The following NOP58 variants were observed in gnomAD, a reference collection of about 807,000 sequenced individuals.
The protein encoded by NOP58 is nucleolar protein 58.
NOP58 carries 44 observed loss-of-function variants against 71.2 expected under a neutral mutation model. That is an observed-to-expected ratio of 0.62 (90% confidence interval 0.49 to 0.79). The LOEUF (loss-of-function observed/expected upper bound fraction) is 0.79. Among genes scored for constraint, NOP58 ranks in the 30% least tolerant of loss-of-function variants. The pLI is 0.00. For synonymous variants in NOP58, 228 were observed against 200.3 expected, an observed-to-expected ratio of 1.14 and a Z score of -1.17; for missense variants, 538 against 620.2, an observed-to-expected ratio of 0.87 and a Z score of 1.41.
intron 1 of NOP58, among the ~76,000 whole-genome samples, chr2:202,266,804 A>G (rs1688424826): frequency 6.6e-6 from 1 of 152,244 alleles, no homozygotes; most frequent in Non-Finnish European, 1.5e-5. Context: ...TAGAACAGGA[A>G]GGACTGGCTA....
Position 202,279,776 on chromosome 2 carries a change from A to G in NOP58, c.175+1774A>G, listed in dbSNP as rs374626754. Among the ~76,000 whole-genome samples the G allele has an allele frequency of 4.6e-5, 7 of 152,376 alleles. No homozygotes were observed. In the East Asian group the frequency reaches 9.6e-4, roughly 21 times the overall value. On this transcript the variant is annotated intron_variant, in intron 3 of 14. Coordinates refer to ENST00000264279, the MANE Select transcript of NOP58 (RefSeq NM_015934.5). Reference sequence around the variant, plus strand: ...ACCACTGCACTCCAGCCTGGGCAACAGAGCGAGACTCCTTCTGGAAAATAA... The same window carrying G: ...ACCACTGCACTCCAGCCTGGGCAACGGAGCGAGACTCCTTCTGGAAAATAA...
intron 11 of NOP58, 58 bp from the exon 12 acceptor site, chr2:202,297,787 G>A (rs1689017955): frequency 9.7e-7 from 1 of 1,029,050 alleles, no homozygotes. Flanking sequence ...ACTGTATAGT[G>A]TATTATAAAG....
At chr2:202,302,239 C>T (rs570052990) in intron 13 of NOP58, among the ~76,000 whole-genome samples, 2 of 151,974 alleles carry the variant, frequency 1.3e-5, no homozygotes, top group African/African-American at 2.4e-5. Flanking sequence ...AGGCATGCAC[C>T]ACCATGCCTA....
chr2:202,292,219 CCT>C (rs1450791423), intron 8 of NOP58, among the ~76,000 whole-genome samples: 1 of 150,548 alleles, frequency 6.6e-6, no homozygotes, highest in East Asian at 2.0e-4. Flanking sequence ...GTCTTGAACT[CCT>C]GACCTCATGA....
chr2:202,285,452 A>G (rs577906251), intron 5 of NOP58, among the ~76,000 whole-genome samples: 1 of 149,790 alleles, frequency 6.7e-6, no homozygotes, highest in African/African-American at 2.5e-5. Flanking sequence ...GGACTCAAAC[A>G]ATGCCACCTC....
At chr2:202,292,384 T>C (rs1306302601) in intron 8 of NOP58, among the ~76,000 whole-genome samples, 3 of 151,984 alleles carry the variant, frequency 2.0e-5, no homozygotes, top group Non-Finnish European at 4.4e-5. Context: ...GAAGTCCTCA[T>C]TACAGCCATC....
chr2:202,287,569 A>G, intron 5 of NOP58, 91 bp from the exon 6 acceptor site: 2 of 998,080 alleles, frequency 2.0e-6, no homozygotes, highest in Non-Finnish European at 1.5e-6. Context: ...TGATTTGAGT[A>G]AAAACAAAAA....
At chr2:202,276,441 T>A (rs770600790) in intron 2 of NOP58, 2 of 512,392 alleles carry the variant, frequency 3.9e-6, no homozygotes, top group South Asian at 1.4e-5. Context: ...TTCGTTGTTG[T>A]CAATGATGTA....
At chr2:202,273,924 AGAGT>A (rs572704803) in intron 1 of NOP58, among the ~76,000 whole-genome samples, 271 of 151,578 alleles carry the variant, frequency 1.8e-3, no homozygotes, top group African/African-American at 6.1e-3. Flanking sequence ...GCCTGGCGAC[AGAGT>A]GAGACTCCAT....
intron 1 of NOP58, among the ~76,000 whole-genome samples, chr2:202,267,239 G>A (rs183608051): frequency 2.0e-5 from 3 of 152,072 alleles, no homozygotes; most frequent in Non-Finnish European, 2.9e-5. Flanking sequence ...AAGCAAAAAC[G>A]CTAGGTAAAA....
chr2:202,287,741 CAA>C lies in NOP58; in HGVS notation c.499+19_499+20del. ...AGGCAATTTGTAAGTATAGTACATGCAAAGTCCGATTTGTTGCTCTGTCCTTC... is the reference window on the plus strand; with the variant it reads ...AGGCAATTTGTAAGTATAGTACATGCAGTCCGATTTGTTGCTCTGTCCTTC... On this transcript the variant is annotated intron_variant, in intron 6 of 14. Coordinates refer to ENST00000264279, the MANE Select transcript of NOP58 (RefSeq NM_015934.5). 6.4e-7 allele frequency: 1 copy of C among 1,570,182 alleles called. No homozygotes were observed. Among genetic ancestry groups the C allele is most frequent in the Non-Finnish European group, 8.8e-7 (1 of 1,140,238 alleles).
intron 1 of NOP58, 57 bp from the exon 2 acceptor site, chr2:202,275,056 G>A: frequency 1.3e-6 from 1 of 766,648 alleles, no homozygotes; most frequent in Non-Finnish European, 2.2e-6. Context: ...GAAGAATGCA[G>A]CTGTATATGC....
chr2:202,287,353 A>G (rs1195425489), intron 5 of NOP58, among the ~76,000 whole-genome samples: 1 of 152,152 alleles, frequency 6.6e-6, no homozygotes, highest in Non-Finnish European at 1.5e-5. Flanking sequence ...AGCGTGAGCC[A>G]CCACGCCCAG....
Position 202,284,445 on chromosome 2 carries a change from G to T in NOP58, c.398G>T (p.Arg133Leu). The T allele has an allele frequency of 6.2e-7, 1 of 1,613,982 alleles. No individual in the cohort carries two copies. Among genetic ancestry groups the T allele is most frequent in the Non-Finnish European group, 8.5e-7 (1 of 1,179,970 alleles). ...GGATTAATCCCTGGGGTAGAACCAC[G>T]TGAAATGGCAGCTATGTGTCTTGGA... Reference protein sequence around the residue: ...MDGLIPGVEPREMAAMCLGLA... With the variant: ...MDGLIPGVEPLEMAAMCLGLA... Residue 133 changes from arginine to leucine, a missense_variant, in exon 5 of 15, where the codon CGT becomes CTT. Coordinates refer to ENST00000264279, the MANE Select transcript of NOP58 (RefSeq NM_015934.5).
At position 202,288,145 on chromosome 2, in the gene NOP58, A is replaced by G. The variant is rs373271194; in HGVS notation, c.499+421A>G. Among the ~76,000 whole-genome samples, 30 of 152,136 alleles carry G rather than the reference A, an allele frequency of 2.0e-4. No individual in the cohort carries two copies. The East Asian group carries it at 3.7e-3, about 19-fold the overall frequency. ...TGAAAATGTTAAAAACATAAGTGCA[A>G]TCTTTGTAGTTGTGTATTCTGCTGT... On this transcript the variant is annotated intron_variant, in intron 6 of 14. Transcript: ENST00000264279.
In NOP58 at chr2:202,265,962, G is replaced by C; in HGVS notation, c.21G>C (p.Thr7=). Residue 7 remains threonine (T), a synonymous_variant, in exon 1 of 15, where the codon ACG becomes ACC. Transcript: ENST00000264279. Reference sequence around the variant, plus strand: ...TCACCATGTTGGTGCTGTTTGAAACGTCTGTGGGTTACGCCATCTTTAAGG... The same window carrying C: ...TCACCATGTTGGTGCTGTTTGAAACCTCTGTGGGTTACGCCATCTTTAAGG... MLVLFE[T]SVGYAIFKVL... 1 of 1,614,184 alleles carries C rather than the reference G, an allele frequency of 6.2e-7. No homozygotes were observed. Among genetic ancestry groups the C allele is most frequent in the Non-Finnish European group, 8.5e-7 (1 of 1,180,044 alleles).
At chr2:202,292,569 C>T (rs934660730) in intron 8 of NOP58, among the ~76,000 whole-genome samples, 3 of 151,228 alleles carry the variant, frequency 2.0e-5, no homozygotes, top group African/African-American at 7.3e-5. Context: ...GCCCGGGAGG[C>T]GGAGATTGCT....
intron 1 of NOP58, among the ~76,000 whole-genome samples, chr2:202,267,575 C>T (rs995982453): frequency 6.6e-6 from 1 of 152,150 alleles, no homozygotes; most frequent in Non-Finnish European, 1.5e-5. Context: ...GGAATCTTAT[C>T]TAAATTACCA....
At position 202,265,844 on chromosome 2, in the gene NOP58, C is replaced by A. The variant is rs536512322; in HGVS notation, c.-98C>A. On this transcript the variant is annotated 5_prime_UTR_variant, in exon 1 of 15. Transcript: ENST00000264279. ...GGCGAGCGCATTTGTGCTTTGCCCGCCGCGGCCTAGGAGGCCTTTTGAGGC... is the reference window on the plus strand; with the variant it reads ...GGCGAGCGCATTTGTGCTTTGCCCGACGCGGCCTAGGAGGCCTTTTGAGGC... 1.4e-6 allele frequency: 2 copies of A among 1,401,288 alleles called. No homozygotes were observed. Among genetic ancestry groups the A allele is most frequent in the African/African-American group, 2.8e-5 (2 of 70,592 alleles). The allele number at this position is 1,401,288 out of a possible 1,614,324, so 86.8% of individuals were successfully genotyped here. A position where few individuals can be genotyped will look rare whatever the true frequency, so the allele number is the denominator to read the frequency against.
Sources: gnomAD v4.1 joint callset for allele counts (sites outside exome capture counted in the v4.1 genomes callset) on GRCh38, gnomAD v4.1.1 for gene constraint, MANE v1.5 for transcripts, NCBI Gene and HGNC (gene_info 2026-07-23, HGNC 2026-07-21) for gene names.